The following ATG14 variants were observed in gnomAD, a reference collection of about 807,000 sequenced individuals.
ATG14 encodes the protein beclin 1-associated autophagy-related key regulator.
In ATG14, 35 loss-of-function variants were observed where a neutral mutation model predicts 60.4. That is an observed-to-expected ratio of 0.58 (90% CI 0.44 to 0.77). The LOEUF (loss-of-function observed/expected upper bound fraction) is 0.77, where lower values mean the gene tolerates loss of function less well. ATG14 is among the 30% of genes least tolerant of loss of function. ATG14 has a pLI of 0.00. For synonymous variants in ATG14, 234 were observed against 228.8 expected, an observed-to-expected ratio of 1.02 and a Z score of -0.21; for missense variants, 647 against 626.3, an observed-to-expected ratio of 1.03 and a Z score of -0.35.
intron 5 of ATG14, among the ~76,000 whole-genome samples, chr14:55,382,734 A>G (rs1376875197): frequency 1.3e-5 from 2 of 152,176 alleles, no homozygotes; most frequent in Admixed American, 6.5e-5. Context: ...AGCCCACACA[A>G]TGTGAGGAAG....
chr14:55,370,322 C>T (rs1246937960), intron 9 of ATG14, among the ~76,000 whole-genome samples: 4 of 152,162 alleles, frequency 2.6e-5, no homozygotes, highest in Admixed American at 1.3e-4. Context: ...TTGATGTATA[C>T]TCTGGATATT....
At chr14:55,385,668 C>A (rs1885112625) in intron 5 of ATG14, among the ~76,000 whole-genome samples, 191 bp downstream of exon 5, 1 of 152,180 alleles carries the variant, frequency 6.6e-6, no homozygotes, top group South Asian at 2.1e-4. Flanking sequence ...AGTGTGGGCC[C>A]CACCCCTCAC....
intron 3 of ATG14, chr14:55,391,401 G>A (rs1885214286): frequency 6.5e-6 from 1 of 153,222 alleles, no homozygotes; most frequent in Non-Finnish European, 1.4e-5. Flanking sequence ...ACTTGAACCA[G>A]GGAGGCGGAG....
chr14:55,376,214 A>T (rs763095157), intron 9 of ATG14, among the ~76,000 whole-genome samples: 65 of 152,156 alleles, frequency 4.3e-4, no homozygotes, highest in Non-Finnish European at 8.4e-4. Context: ...TCCTGTCTAT[A>T]AAGTAGGAAT....
At chr14:55,371,720 T>C (rs952837273) in intron 9 of ATG14, among the ~76,000 whole-genome samples, 4 of 151,994 alleles carry the variant, frequency 2.6e-5, no homozygotes, top group Non-Finnish European at 4.4e-5. Context: ...AGGAGAACGG[T>C]GTGAACCCCA....
chr14:55,406,123 A>G (rs1362573576), intron 1 of ATG14, among the ~76,000 whole-genome samples: 1 of 152,254 alleles, frequency 6.6e-6, no homozygotes, highest in Non-Finnish European at 1.5e-5. Context: ...TTAAGAGTCA[A>G]AGGAACTAAT....
chr14:55,402,956 TATATATATATATAA>T lies in ATG14; in HGVS notation c.222-5536_222-5523del, dbSNP rs1486753979. 7.4e-4 allele frequency among the ~76,000 whole-genome samples: 42 copies of T among 56,502 alleles called. 2 individuals carry two copies. The highest frequency in any genetic ancestry group is 1.5e-3 in the South Asian group (2 of 1,308). 37.1% of individuals were successfully genotyped at this position (56,502 alleles called of 152,430 possible). A position where few individuals can be genotyped will look rare whatever the true frequency, so the allele number is the denominator to read the frequency against. ...ATATATATATATATATATATATATA[TATATATATATATAA>T]ATAGCTGGGCATAGTGGTGCATGGC... On this transcript the variant is annotated intron_variant, in intron 1 of 9. Coordinates refer to ENST00000247178, the MANE Select transcript of ATG14 (RefSeq NM_014924.5).
At position 55,367,260 on chromosome 14, in the gene ATG14, G is replaced by T; in HGVS notation, c.*2359C>A. The T allele has an allele frequency of 6.6e-6, 1 of 152,274 alleles. No individual in the cohort carries two copies. 9.4% of individuals were successfully genotyped at this position (152,274 alleles called of 1,614,324 possible). On this transcript the variant is annotated 3_prime_UTR_variant, in exon 10 of 10. Coordinates refer to ENST00000247178, the MANE Select transcript of ATG14 (RefSeq NM_014924.5). Reference sequence around the variant, plus strand: ...GCTCCAAATCCCACTCTTACAACTCGTGAGACTAAGCTCTTACTTCTGAGG... The same window carrying T: ...GCTCCAAATCCCACTCTTACAACTCTTGAGACTAAGCTCTTACTTCTGAGG...
At chr14:55,405,489 GTC>G (rs1198216307) in intron 1 of ATG14, among the ~76,000 whole-genome samples, 2 of 152,260 alleles carry the variant, frequency 1.3e-5, no homozygotes, top group South Asian at 2.1e-4. Flanking sequence ...CATACAATTT[GTC>G]TCTCTTTTTA....
At chr14:55,411,579 T>A (rs752710145) in intron 1 of ATG14, 23 bp downstream of exon 1, 14 of 1,588,300 alleles carry the variant, frequency 8.8e-6, no homozygotes, top group Non-Finnish European at 1.2e-5. Flanking sequence ...GAAGAAACAA[T>A]AGGGCCGTGG....
intron 9 of ATG14, among the ~76,000 whole-genome samples, chr14:55,377,173 C>A (rs113395157): frequency 0.058 from 8,848 of 152,112 alleles, 324 homozygotes; most frequent in South Asian, 0.089. Context: ...ATGATGAAAC[C>A]CTGTCTCTAC....
chr14:55,392,648 C>CAA (rs1197794000), intron 3 of ATG14, among the ~76,000 whole-genome samples: 5 of 51,838 alleles, frequency 9.6e-5, no homozygotes, highest in African/African-American at 1.5e-4. Flanking sequence ...GACTCCACCT[C>CAA]AAAAAAAAAA....
At position 55,369,658 on chromosome 14, in the gene ATG14, C is replaced by G; in HGVS notation, c.1440G>C (p.Ser480=). ...AGGMISSAAA[S]VTSWFKAYTG... ...TGTAAGCTTTAAACCAGGAGGTCAC[C>G]GAGGCTGCTGCAGAGGAGATCATCC... Residue 480 remains serine, a synonymous_variant, in exon 10 of 10, where the codon TCG becomes TCC. Coordinates refer to ENST00000247178, the MANE Select transcript of ATG14 (RefSeq NM_014924.5). 1.3e-6 allele frequency: 2 copies of G among 1,550,822 alleles called. No individual in the cohort carries two copies. The highest frequency in any genetic ancestry group is 1.7e-6 in the Non-Finnish European group (2 of 1,145,928).
chr14:55,380,269 A>ACAACAG (rs1885003045), intron 7 of ATG14, among the ~76,000 whole-genome samples: 1 of 151,510 alleles, frequency 6.6e-6, no homozygotes, highest in African/African-American at 2.4e-5. Flanking sequence ...AACAACAACA[A>ACAACAG]CAACAAATCA....
intron 1 of ATG14, among the ~76,000 whole-genome samples, chr14:55,408,560 C>T (rs1482580858): frequency 6.6e-6 from 1 of 152,000 alleles, no homozygotes; most frequent in Non-Finnish European, 1.5e-5. Context: ...CTGCTCAGCC[C>T]ACAGGTTCGA....
chr14:55,399,907 T>G (rs1349608253), intron 1 of ATG14, among the ~76,000 whole-genome samples: 1 of 152,164 alleles, frequency 6.6e-6, no homozygotes, highest in Non-Finnish European at 1.5e-5. Context: ...TTCTTGGACT[T>G]TGTTAAAAAC....
In ATG14 at chr14:55,369,884, A is replaced by G; in HGVS notation, c.1214T>C (p.Met405Thr). ...AGCAACTCCGGGATCCACAAATTCC[A>G]TGGACTCCTCAAGGTCTGCTCGTAC... ...FEVRADLEESMEFVDPGVAGE... is the reference protein window; with the variant it reads ...FEVRADLEESTEFVDPGVAGE... The change falls in exon 10 of 10, where the codon ATG (methionine) becomes ACG (threonine). Residue 405 changes from methionine (M) to threonine (T), a missense_variant. By Grantham distance (81) the Met-to-Thr change is moderately conservative. Coordinates refer to ENST00000247178, the MANE Select transcript of ATG14 (RefSeq NM_014924.5). 6.2e-7 allele frequency: 1 copy of G among 1,614,052 alleles called. No homozygotes were observed. Among genetic ancestry groups the G allele is most frequent in the African/African-American group, 1.3e-5 (1 of 75,038 alleles).
At chr14:55,409,617 C>A (rs1885540696) in intron 1 of ATG14, among the ~76,000 whole-genome samples, 1 of 151,568 alleles carries the variant, frequency 6.6e-6, no homozygotes, top group African/African-American at 2.4e-5. Flanking sequence ...GAGTTCCTGG[C>A]TGTCTAAATA....
chr14:55,410,544 A>G (rs1051423888), intron 1 of ATG14, among the ~76,000 whole-genome samples: 2 of 152,240 alleles, frequency 1.3e-5, no homozygotes, highest in African/African-American at 4.8e-5. Context: ...CCTCCTCAAA[A>G]GAGAAAGGAA....
Sources: allele counts gnomAD v4.1 joint callset (sites outside exome capture counted in the v4.1 genomes callset), GRCh38; gene constraint gnomAD v4.1.1; transcripts MANE v1.5; gene names NCBI Gene and HGNC (gene_info 2026-07-23, HGNC 2026-07-21).